FOCAD: variants seen among roughly 807,000 people sequenced by gnomAD.
FOCAD encodes focadhesin.
Under a neutral mutation model 225.6 loss-of-function variants are expected in FOCAD, and 198 were observed. The observed-to-expected ratio is 0.88, with a 90% CI of 0.78 to 0.99. The LOEUF is 0.99. FOCAD is among the 50% of genes least tolerant of loss of function. The pLI is 0.00. For synonymous variants in FOCAD, 897 were observed against 755.0 expected (o/e 1.19, Z -3.08); for missense variants, 2,713 against 2,123.6 (o/e 1.28, Z -5.46).
chr9:20,968,840 A>G (rs1839510377), intron 35 of FOCAD, among the ~76,000 whole-genome samples: 1 of 152,156 alleles, frequency 6.6e-6, no homozygotes, highest in African/African-American at 2.4e-5. Context: ...TCTTTGAGGC[A>G]TAAAGTTAGG....
rs1834645614 is a variant in FOCAD, at chr9:20,923,510, G to T, written c.2853-150G>T. On this transcript the variant is annotated intron_variant, in intron 24 of 43. Coordinates refer to ENST00000338382, the MANE Select transcript of FOCAD (RefSeq NM_001375567.1). ...GTCAGAAGGAAGGAAAGAAACTGTTGGCCTAACACAACAAACAGACCTGCA... is the reference window on the plus strand; with the variant it reads ...GTCAGAAGGAAGGAAAGAAACTGTTTGCCTAACACAACAAACAGACCTGCA... The T allele has an allele frequency of 6.8e-6, 4 of 587,202 alleles. No homozygotes were observed. The East Asian group carries it at 1.1e-4, about 16-fold the overall frequency. The allele number at this position is 587,202 out of a possible 1,614,324, so 36.4% of individuals were successfully genotyped here.
chr9:20,912,002 C>T (rs1347049320), intron 22 of FOCAD, among the ~76,000 whole-genome samples: 1 of 151,946 alleles, frequency 6.6e-6, no homozygotes, highest in African/African-American at 2.4e-5. Flanking sequence ...TTCATATCCA[C>T]CAAAATGGAA....
chr9:20,787,011 G>A (rs1819989426), intron 10 of FOCAD: 1 of 468,438 alleles, frequency 2.1e-6, no homozygotes, highest in Non-Finnish European at 4.3e-6. Context: ...TTGCATCCTT[G>A]CCCTGGGACT....
intron 11 of FOCAD, among the ~76,000 whole-genome samples, chr9:20,814,946 G>A (rs1823503877): frequency 1.3e-5 from 2 of 151,544 alleles, no homozygotes; most frequent in African/African-American, 4.9e-5. Flanking sequence ...CAATATTATA[G>A]GATTCTTTGT....
At chr9:20,858,455 C>T (rs1828431399) in intron 15 of FOCAD, among the ~76,000 whole-genome samples, 2 of 151,836 alleles carry the variant, frequency 1.3e-5, no homozygotes, top group Admixed American at 1.3e-4. Flanking sequence ...TGTAATGTCC[C>T]CTTTTTCATC....
chr9:20,690,996 G>A (rs539653703), intron 1 of FOCAD, among the ~76,000 whole-genome samples: 9 of 151,874 alleles, frequency 5.9e-5, no homozygotes, highest in African/African-American at 2.2e-4. Context: ...AGGCTGGAGT[G>A]CAGTGGCGTG....
In FOCAD at chr9:20,748,859, A is replaced by G. The variant is rs566192049; in HGVS notation, c.392+8519A>G. ...TTTTAGAATAAGCTGCACCCATCAT[A>G]CAGTCTTCCAGTTAGCAGTAGCCAC... is the stretch of plus-strand genomic sequence containing the variant. On this transcript the variant is annotated intron_variant, in intron 5 of 43. Transcript: ENST00000338382. Among the ~76,000 whole-genome samples the G allele has an allele frequency of 3.9e-5, 6 of 152,304 alleles. No individual in the cohort carries two copies. In the East Asian group the frequency reaches 7.7e-4, roughly 20 times the overall value.
intron 5 of FOCAD, among the ~76,000 whole-genome samples, chr9:20,754,624 A>C (rs540710640): frequency 2.0e-5 from 3 of 151,698 alleles, no homozygotes; most frequent in African/African-American, 7.3e-5. Context: ...CTTGTCATTT[A>C]CTCAATGGAG....
rs1840315499 is a variant in FOCAD, at chr9:20,977,397, T to C, written c.4261+849T>C. Among the ~76,000 whole-genome samples the C allele has an allele frequency of 2.0e-5, 3 of 152,194 alleles. No homozygotes were observed. In the South Asian group the frequency reaches 6.2e-4, roughly 31 times the overall value. ...ATTATTCTGCCTACCACAGTTATTT[T>C]GTGGTGAGAGGCAAACAGAATACAC... On this transcript the variant is annotated intron_variant, in intron 36 of 43. Coordinates refer to ENST00000338382, the MANE Select transcript of FOCAD (RefSeq NM_001375567.1).
intron 11 of FOCAD, among the ~76,000 whole-genome samples, chr9:20,809,847 CATAAG>C (rs1454508972): frequency 2.0e-5 from 3 of 151,974 alleles, no homozygotes; most frequent in Non-Finnish European, 4.4e-5. Context: ...ATATGTAACT[CATAAG>C]AGAGTTTTCT....
intron 15 of FOCAD, among the ~76,000 whole-genome samples, chr9:20,838,897 T>A (rs1381413432): frequency 6.6e-6 from 1 of 152,134 alleles, no homozygotes; most frequent in Non-Finnish European, 1.5e-5. Context: ...TTATCTTTTA[T>A]CTTTAAAAGA....
intron 21 of FOCAD, among the ~76,000 whole-genome samples, chr9:20,904,420 G>C (rs959635647): frequency 1.6e-4 from 25 of 151,568 alleles, no homozygotes; most frequent in African/African-American, 5.8e-4. Context: ...CCAAGTTTTT[G>C]CCCATACTTT....
chr9:20,888,313 AT>A (rs1453340837), intron 21 of FOCAD, among the ~76,000 whole-genome samples: 1 of 151,474 alleles, frequency 6.6e-6, no homozygotes, highest in African/African-American at 2.4e-5. Context: ...TAATTTTTGT[AT>A]TTTTAGTAGA....
intron 27 of FOCAD, 52 bp downstream of exon 27, chr9:20,929,648 G>A (rs763892238): frequency 1.9e-4 from 296 of 1,535,360 alleles, no homozygotes; most frequent in Non-Finnish European, 2.5e-4. Context: ...TTTTTGCAAA[G>A]GATTTTGCAC....
intron 4 of FOCAD, among the ~76,000 whole-genome samples, chr9:20,721,117 A>T (rs1825735666): frequency 6.6e-6 from 1 of 152,220 alleles, no homozygotes; most frequent in African/African-American, 2.4e-5. Context: ...AAATGGTCAA[A>T]CAGGACCATG....
At chr9:20,709,214 A>G (rs80323315) in intron 1 of FOCAD, among the ~76,000 whole-genome samples, 1 of 152,088 alleles carries the variant, frequency 6.6e-6, no homozygotes, top group South Asian at 2.1e-4. Context: ...GTTTTGATTC[A>G]CTGGGAACTT....
chr9:20,789,327 G>T, intron 10 of FOCAD, 24 bp from the exon 11 acceptor site: 1 of 1,598,538 alleles, frequency 6.3e-7, no homozygotes, highest in Non-Finnish European at 8.6e-7. Flanking sequence ...ACTTATTTAT[G>T]CCTCTCTTGT....
At chr9:20,800,832 C>A (rs1448196393) in intron 11 of FOCAD, among the ~76,000 whole-genome samples, 1 of 152,104 alleles carries the variant, frequency 6.6e-6, no homozygotes, top group Non-Finnish European at 1.5e-5. Context: ...TGTTCTGAAG[C>A]CTTCTTCTCT....
upstream of FOCAD, among the ~76,000 whole-genome samples, chr9:20,656,579 A>G (rs1375432469): frequency 1.3e-5 from 2 of 151,610 alleles, no homozygotes; most frequent in Non-Finnish European, 2.9e-5. Flanking sequence ...AGTCTGTTTT[A>G]TCAGAGACTA....
Sources: allele counts gnomAD v4.1 joint callset (sites outside exome capture counted in the v4.1 genomes callset), GRCh38; gene constraint gnomAD v4.1.1; transcripts MANE v1.5; gene names NCBI Gene and HGNC (gene_info 2026-07-23, HGNC 2026-07-21).